CCDC43: variants seen among roughly 807,000 people sequenced by gnomAD.
The protein encoded by CCDC43 is coiled-coil domain containing 43, also known as coiled-coil domain-containing protein 43.
Under a neutral mutation model 33.3 loss-of-function variants are expected in CCDC43, and 20 were observed. The ratio of observed to expected loss-of-function variants is 0.60; its 90% CI spans 0.42 to 0.87. CCDC43 has a LOEUF of 0.87. CCDC43 is among the 40% of genes least tolerant of loss of function. The probability of loss-of-function intolerance (pLI) is 0.00; values close to 1 mark genes in which losing one functional copy is unlikely to be tolerated. For synonymous variants in CCDC43, 104 were observed against 106.5 expected, an observed-to-expected ratio of 0.98 and a Z score of 0.14; for missense variants, 248 against 269.9, an observed-to-expected ratio of 0.92 and a Z score of 0.57.
intron 2 of CCDC43, 42 bp from the exon 3 acceptor site, chr17:44,682,180 A>C (rs1447604781): frequency 6.2e-7 from 1 of 1,612,464 alleles, no homozygotes; most frequent in Admixed American, 1.7e-5. Flanking sequence ...TATGAGAGAG[A>C]ACAAGCTCAC....
intron 2 of CCDC43, among the ~76,000 whole-genome samples, chr17:44,682,764 G>A (rs555638844): frequency 3.3e-5 from 5 of 152,170 alleles, no homozygotes; most frequent in African/African-American, 1.2e-4. Context: ...GCTGAGGCAG[G>A]AGAATGGCGT....
chr17:44,684,655 C>T (rs1301948846), intron 1 of CCDC43, among the ~76,000 whole-genome samples: 13 of 151,326 alleles, frequency 8.6e-5, no homozygotes, highest in Admixed American at 7.9e-4. Flanking sequence ...CGAGATCACG[C>T]CACTGCACTC....
chr17:44,689,594 C>A lies in CCDC43; in HGVS notation c.160G>T (p.Glu54Ter), dbSNP rs748439439. The part of the protein sequence containing the change: ...ILGILQEEEE[E>*]EKLDALQGIL... ...CCCTGCAGAGCGTCCAGCTTCTCTTCTTCCTCCTCCTCCTGCAGGATACCC... is the reference window on the plus strand; with the variant it reads ...CCCTGCAGAGCGTCCAGCTTCTCTTATTCCTCCTCCTCCTGCAGGATACCC... The change falls in exon 1 of 5, where the codon GAA becomes TAA. Residue 54 changes from glutamate to a stop codon, truncating the protein, a stop_gained. Coordinates refer to ENST00000315286, the MANE Select transcript of CCDC43 (RefSeq NM_144609.3). LOFTEE classifies it high-confidence loss of function. 6.2e-7 allele frequency: 1 copy of A among 1,614,036 alleles called. No homozygotes were observed. Among genetic ancestry groups the A allele is most frequent in the East Asian group, 2.2e-5 (1 of 44,880 alleles).
At chr17:44,686,395 A>G (rs1055564225) in intron 1 of CCDC43, among the ~76,000 whole-genome samples, 11 of 152,160 alleles carry the variant, frequency 7.2e-5, no homozygotes, top group African/African-American at 2.7e-4. Flanking sequence ...GTTTCCCCCA[A>G]CCCCCACCAG....
intron 1 of CCDC43, 72 bp downstream of exon 1, chr17:44,689,478 G>T: frequency 6.3e-7 from 1 of 1,593,038 alleles, no homozygotes; most frequent in South Asian, 1.1e-5. Context: ...CGGTAGGGGA[G>T]GGAGGGTGCA....
chr17:44,677,673 C>G lies in CCDC43; in HGVS notation c.*1183G>C, dbSNP rs983025494. 6.6e-6 allele frequency: 1 copy of G among 152,090 alleles called. No individual in the cohort carries two copies. The highest frequency in any genetic ancestry group is 6.5e-5 in the Admixed American group (1 of 15,268). 9.4% of individuals were successfully genotyped at this position (152,090 alleles called of 1,614,324 possible). The stretch of plus-strand genomic sequence containing the variant: ...CAGGTAGTAAATATTTTAGATTTCA[C>G]AGACCACATATTTTTTTCTTTTATA... On this transcript the variant is annotated 3_prime_UTR_variant, in exon 5 of 5. Transcript: ENST00000315286.
intron 1 of CCDC43, among the ~76,000 whole-genome samples, chr17:44,685,271 C>T (rs1598735609): frequency 2.0e-5 from 3 of 152,270 alleles, no homozygotes; most frequent in East Asian, 3.9e-4. Flanking sequence ...CCTTGGCTGA[C>T]GTATACAATT....
chr17:44,688,585 T>C (rs1310849323), intron 1 of CCDC43, among the ~76,000 whole-genome samples: 1 of 152,232 alleles, frequency 6.6e-6, no homozygotes, highest in Non-Finnish European at 1.5e-5. Flanking sequence ...CAGGTGGCTC[T>C]CACAGTAGCA....
chr17:44,678,830 G>C lies in CCDC43; in HGVS notation c.*26C>G. ...CAGTTCTCCCTTTGATAAGTTCATG[G>C]GGGGAAAGAATAGAGTAGGCCAAGG... On this transcript the variant is annotated 3_prime_UTR_variant, in exon 5 of 5. Transcript: ENST00000315286. The C allele has an allele frequency of 6.3e-7, 1 of 1,599,954 alleles. No homozygotes were observed. Among genetic ancestry groups the C allele is most frequent in the Non-Finnish European group, 8.5e-7 (1 of 1,172,264 alleles).
intron 2 of CCDC43, among the ~76,000 whole-genome samples, chr17:44,682,969 T>C (rs966022121): frequency 1.3e-5 from 2 of 152,214 alleles, no homozygotes; most frequent in Admixed American, 6.5e-5. Flanking sequence ...GGTTGCACAT[T>C]AGAATCACCT....
At chr17:44,682,348 A>G (rs1346269102) in intron 2 of CCDC43, among the ~76,000 whole-genome samples, 2 of 148,100 alleles carry the variant, frequency 1.4e-5, no homozygotes, top group Admixed American at 6.9e-5. Context: ...CAATCAGAGC[A>G]GCCCTGATTT....
chr17:44,685,771 A>C (rs958560928), intron 1 of CCDC43, among the ~76,000 whole-genome samples: 2 of 152,252 alleles, frequency 1.3e-5, no homozygotes, highest in African/African-American at 4.8e-5. Flanking sequence ...ACTCTCAATT[A>C]TTAAAATAAT....
At chr17:44,688,759 T>C (rs985654586) in intron 1 of CCDC43, among the ~76,000 whole-genome samples, 1 of 152,210 alleles carries the variant, frequency 6.6e-6, no homozygotes, top group Admixed American at 6.5e-5. Flanking sequence ...TAATCTGTAA[T>C]AACCAGTCTA....
chr17:44,684,582 C>T (rs886321904), intron 1 of CCDC43, among the ~76,000 whole-genome samples: 2 of 151,486 alleles, frequency 1.3e-5, no homozygotes. Context: ...CCTGTAATCA[C>T]AGTACTCGGG....
At chr17:44,682,257 C>A in intron 2 of CCDC43, 119 bp from the exon 3 acceptor site, 1 of 1,242,630 alleles carries the variant, frequency 8.0e-7, no homozygotes. Flanking sequence ...TCCTTAGAGC[C>A]TGGCAGTTCA....
intron 1 of CCDC43, among the ~76,000 whole-genome samples, chr17:44,684,505 C>G (rs1972207566): frequency 1.3e-5 from 2 of 151,960 alleles, no homozygotes; most frequent in South Asian, 4.1e-4. Context: ...CAAGACCAGC[C>G]TGGCCAACGT....
At chr17:44,684,036 G>A in intron 1 of CCDC43, 77 bp from the exon 2 acceptor site, 1 of 893,030 alleles carries the variant, frequency 1.1e-6, no homozygotes, top group Non-Finnish European at 1.9e-6. Flanking sequence ...AGCCTATGAA[G>A]AAAGCACAGC....
In CCDC43 at chr17:44,678,367, A is replaced by T. The variant is rs952498390; in HGVS notation, c.*489T>A. On this transcript the variant is annotated 3_prime_UTR_variant, in exon 5 of 5. Coordinates refer to ENST00000315286, the MANE Select transcript of CCDC43 (RefSeq NM_144609.3). ...ATTTTCCTAGTTTTGCTGCCATGTT[A>T]ACATAAAATCTGGATCCAGGTAGGC... 6 of 152,138 alleles carry T rather than the reference A, an allele frequency of 3.9e-5. No individual in the cohort carries two copies. The highest frequency in any genetic ancestry group is 1.4e-4 in the African/African-American group (6 of 41,420). 9.4% of individuals were successfully genotyped at this position (152,138 alleles called of 1,614,324 possible).
At chr17:44,681,452 T>C (rs1336524827) in intron 3 of CCDC43, among the ~76,000 whole-genome samples, 3 of 152,166 alleles carry the variant, frequency 2.0e-5, no homozygotes, top group African/African-American at 7.2e-5. Flanking sequence ...TATTCTGGTA[T>C]TGCTTTGGAG....
Sources: gnomAD v4.1 joint callset for allele counts (sites outside exome capture counted in the v4.1 genomes callset) on GRCh38, gnomAD v4.1.1 for gene constraint, MANE v1.5 for transcripts, NCBI Gene and HGNC (gene_info 2026-07-23, HGNC 2026-07-21) for gene names.